PPP6R1: variants seen among roughly 807,000 people sequenced by gnomAD.
PPP6R1 encodes serine/threonine-protein phosphatase 6 regulatory subunit 1.
Under a neutral mutation model 104.6 loss-of-function variants are expected in PPP6R1, and 39 were observed. That is an observed-to-expected ratio of 0.37 (90% confidence interval 0.29 to 0.49). The LOEUF is 0.49. PPP6R1 is among the 20% of genes least tolerant of loss of function. PPP6R1 has a pLI of 0.98. For synonymous variants in PPP6R1, 549 were observed against 479.0 expected (o/e 1.15, Z -1.91); for missense variants, 1,181 against 1,155.8 (o/e 1.02, Z -0.32).
At chr19:55,253,765 C>A in intron 1 of PPP6R1, among the ~76,000 whole-genome samples, 1 of 152,166 alleles carries the variant, frequency 6.6e-6, no homozygotes. Flanking sequence ...TGGCCTGAAG[C>A]CCTCTCAGTC....
rs903451493 is a variant in PPP6R1 at position 55,241,817 on chromosome 19, G to A, written c.846-178C>T. Among the ~76,000 whole-genome samples, 1 of 152,220 alleles carries A rather than the reference G, an allele frequency of 6.6e-6. No homozygotes were observed. The highest frequency in any genetic ancestry group is 1.5e-5 in the Non-Finnish European group (1 of 68,036). ...CCTGGCTGGGGTGGGGAGCCCGCCAGGCGGCAGCATTGGCAGTCCACTGTG... is the reference window on the plus strand; with the variant it reads ...CCTGGCTGGGGTGGGGAGCCCGCCAAGCGGCAGCATTGGCAGTCCACTGTG... On this transcript the variant is annotated intron_variant, in intron 7 of 23. Coordinates refer to ENST00000412770, the MANE Select transcript of PPP6R1 (RefSeq NM_014931.4). The surrounding 1 kb of genome is among the most constrained non-coding windows in gnomAD (Gnocchi z 5.4).
Position 55,241,639 on chromosome 19 carries a change from C to T in PPP6R1, c.846G>A (p.Arg282=), listed in dbSNP as rs770877808. Residue 282 remains arginine (R), a splice_region_variant and synonymous_variant, in exon 8 of 24, where the codon AGG becomes AGA. Transcript: ENST00000412770. This position sits in a 1 kb window ranked among gnomAD's most constrained non-coding sequence, Gnocchi z 5.4. ...AGCTGTTCACGGTCACGGACTCGGA[C>T]CTGCAGCAGGGCAGGGTCGAAGGCG... is the stretch of plus-strand genomic sequence containing the variant. ...LLTLLEPRRP[R]SESVTVNSFF... 1.3e-6 allele frequency: 2 copies of T among 1,572,226 alleles called. No individual in the cohort carries two copies. Among genetic ancestry groups the T allele is most frequent in the Admixed American group, 3.7e-5 (2 of 53,510 alleles).
At chr19:55,252,111 C>T (rs756793017) in intron 1 of PPP6R1, among the ~76,000 whole-genome samples, 5 of 152,036 alleles carry the variant, frequency 3.3e-5, no homozygotes, top group African/African-American at 4.8e-5. Flanking sequence ...CAGGAGCTGG[C>T]GGGGATTGGG....
Position 55,229,794 on chromosome 19 carries a change from C to T in PPP6R1, c.*734G>A, listed in dbSNP as rs2087322600. The T allele has an allele frequency of 6.5e-6, 1 of 152,794 alleles. No individual in the cohort carries two copies. Among genetic ancestry groups the T allele is most frequent in the African/African-American group, 2.4e-5 (1 of 41,474 alleles). 9.5% of individuals were successfully genotyped at this position (152,794 alleles called of 1,614,324 possible). ...ACCAGCAGAATCGTAAACTGCCTTCCTTTATTTATATTTGCAATATGAAAT... is the reference window on the plus strand; with the variant it reads ...ACCAGCAGAATCGTAAACTGCCTTCTTTTATTTATATTTGCAATATGAAAT... On this transcript the variant is annotated 3_prime_UTR_variant, in exon 24 of 24. Transcript: ENST00000412770.
chr19:55,258,047 G>A (rs2087607521), intron 1 of PPP6R1, among the ~76,000 whole-genome samples: 2 of 152,352 alleles, frequency 1.3e-5, no homozygotes, highest in South Asian at 4.1e-4. Flanking sequence ...CGGGGCGAGA[G>A]GGAAGGGTGT....
intron 7 of PPP6R1, 98 bp downstream of exon 7, chr19:55,242,068 C>G: frequency 8.7e-7 from 1 of 1,153,298 alleles, no homozygotes; most frequent in Non-Finnish European, 1.3e-6. Flanking sequence ...GTGCCACGGG[C>G]GGGGATTTCT....
chr19:55,244,242 C>T (rs1046584804), intron 5 of PPP6R1, among the ~76,000 whole-genome samples: 1 of 152,202 alleles, frequency 6.6e-6, no homozygotes, highest in East Asian at 1.9e-4. Context: ...GCCTCTGAGG[C>T]AGAAGTTGGC....
At chr19:55,251,800 G>A (rs975810186) in intron 1 of PPP6R1, among the ~76,000 whole-genome samples, 2 of 152,180 alleles carry the variant, frequency 1.3e-5, no homozygotes, top group Admixed American at 6.5e-5. Context: ...TGAGGGAAGC[G>A]GGAGGGGGAA....
At position 55,241,309 on chromosome 19, in the gene PPP6R1, C is replaced by G; in HGVS notation, c.1091G>C (p.Ser364Thr). ...TRLHVVKLLA[S>T]ALSANDAALT... ...GGCTGCATCATTGGCGCTCAGGGCA[C>G]TGGCCAGGAGCTTGACCACGTGCAG... is the stretch of plus-strand genomic sequence containing the variant. The change falls in exon 9 of 24, where the codon AGT becomes ACT. Residue 364 changes from serine to threonine, a missense_variant. Physicochemically the swap from Ser to Thr is moderately conservative, Grantham distance 58. Around this residue, in one of 2 missense-constraint regions of PPP6R1, gnomAD observed 1,042 missense variants for 955.6 expected, o/e 1.09. Coordinates refer to ENST00000412770, the MANE Select transcript of PPP6R1 (RefSeq NM_014931.4). This position sits in a 1 kb window ranked among gnomAD's most constrained non-coding sequence, Gnocchi z 5.4. 1 of 1,611,776 alleles carries G rather than the reference C, an allele frequency of 6.2e-7. No homozygotes were observed. The highest frequency in any genetic ancestry group is 8.5e-7 in the Non-Finnish European group (1 of 1,179,752).
intron 22 of PPP6R1, 41 bp downstream of exon 22, chr19:55,230,733 G>GCC: frequency 3.6e-6 from 5 of 1,390,522 alleles, no homozygotes; most frequent in Non-Finnish European, 4.9e-6. Flanking sequence ...TGCCCCACCA[G>GCC]CCCCACCCCC....
Position 55,230,527 on chromosome 19 carries a change from G to A in PPP6R1, c.*1C>T. On this transcript the variant is annotated 3_prime_UTR_variant, in exon 24 of 24. Coordinates refer to ENST00000412770, the MANE Select transcript of PPP6R1 (RefSeq NM_014931.4). ...TTGGCCGCCGCTGCCGCACCAGGCA[G>A]CTATCTGGAAACAGAGGGAGATGTC... 6.2e-7 allele frequency: 1 copy of A among 1,613,540 alleles called. No individual in the cohort carries two copies. The highest frequency in any genetic ancestry group is 8.5e-7 in the Non-Finnish European group (1 of 1,179,826).
chr19:55,239,278 A>C, intron 15 of PPP6R1, 127 bp downstream of exon 15: 1 of 931,624 alleles, frequency 1.1e-6, no homozygotes, highest in Non-Finnish European at 1.7e-6. Context: ...ACGCGTGCCC[A>C]GGAGGGGCCA....
chr19:55,239,500 G>A lies in PPP6R1; in HGVS notation c.1656C>T (p.Ala552=), dbSNP rs781017253. The A allele has an allele frequency of 6.2e-7, 1 of 1,613,904 alleles. No individual in the cohort carries two copies. The stretch of plus-strand genomic sequence containing the variant: ...TGCGCTGCATCTGGAAGTCCATGAA[G>A]GCCTGTGGGGGTGCGGAGGTTAGGG... ...NFPEEAVLQQ[A]FMDFQMQRMT... The change falls in exon 15 of 24, where the codon GCC becomes GCT. Residue 552 remains alanine, a splice_region_variant and synonymous_variant. Coordinates refer to ENST00000412770, the MANE Select transcript of PPP6R1 (RefSeq NM_014931.4).
At position 55,245,044 on chromosome 19, in the gene PPP6R1, CCT is replaced by C. The variant is rs2087494400; in HGVS notation, c.618+74_618+75del. On this transcript the variant is annotated intron_variant, in intron 5 of 23. Coordinates refer to ENST00000412770, the MANE Select transcript of PPP6R1 (RefSeq NM_014931.4). The surrounding 1 kb of genome is among the most constrained non-coding windows in gnomAD (Gnocchi z 6.4). ...TGAGCCACTGCGTCCAGCCCCAATT[CCT>C]CTTTTAAAAGTGGGGAAGTGGGCAT... 6.4e-7 allele frequency: 1 copy of C among 1,563,726 alleles called. No individual in the cohort carries two copies. Among genetic ancestry groups the C allele is most frequent in the Non-Finnish European group, 8.7e-7 (1 of 1,150,696 alleles).
rs990790160 is a variant in PPP6R1 at position 55,236,671 on chromosome 19, C to T, written c.1960G>A (p.Ala654Thr). Residue 654 changes from alanine (A) to threonine (T), a missense_variant, in exon 17 of 24, where the codon GCC becomes ACC. Ala to Thr is a moderately conservative substitution (Grantham distance 58). Transcript: ENST00000412770. Reference protein sequence around the residue: ...AWQGSQLARGARLGQPPGVRS... With the variant: ...AWQGSQLARGTRLGQPPGVRS... Reference sequence around the variant, plus strand: ...ACACCAGGTGGCTGGCCCAGACGGGCCCCCCTGGCCAGCTGGCTGCCCTGC... The same window carrying T: ...ACACCAGGTGGCTGGCCCAGACGGGTCCCCCTGGCCAGCTGGCTGCCCTGC... 44 of 1,587,872 alleles carry T rather than the reference C, an allele frequency of 2.8e-5. No individual in the cohort carries two copies. The highest frequency in any genetic ancestry group is 3.6e-5 in the Non-Finnish European group (42 of 1,168,886).
intron 1 of PPP6R1, among the ~76,000 whole-genome samples, chr19:55,248,284 A>T (rs1375702384): frequency 6.6e-6 from 1 of 152,128 alleles, no homozygotes; most frequent in Admixed American, 6.5e-5. Context: ...TCACTCCGCC[A>T]CACAGGACAA....
intron 1 of PPP6R1, among the ~76,000 whole-genome samples, chr19:55,257,479 C>T (rs1455354703): frequency 6.6e-6 from 1 of 152,180 alleles, no homozygotes; most frequent in Non-Finnish European, 1.5e-5. Context: ...ATAAGCACGC[C>T]GGGCGGAACT....
intron 17 of PPP6R1, 88 bp from the exon 18 acceptor site, chr19:55,232,299 G>A: frequency 6.9e-7 from 1 of 1,457,906 alleles, no homozygotes. Context: ...GTCAGCCCAA[G>A]GAGAGCGGGC....
intron 1 of PPP6R1, among the ~76,000 whole-genome samples, chr19:55,249,789 G>A (rs756797452): frequency 5.9e-5 from 9 of 151,964 alleles, no homozygotes; most frequent in African/African-American, 1.2e-4. Context: ...GCAGTGAGTC[G>A]AGATTGCGCC....
Sources: allele counts gnomAD v4.1 joint callset (sites outside exome capture counted in the v4.1 genomes callset), GRCh38; gene constraint gnomAD v4.1.1; regional missense constraint gnomAD v4.1.1; non-coding constraint Gnocchi (gnomAD v3.1); transcripts MANE v1.5; gene names NCBI Gene and HGNC (gene_info 2026-07-23, HGNC 2026-07-21).